AGBL4: variants seen among roughly 807,000 people sequenced by gnomAD.
The protein encoded by AGBL4 is AGBL carboxypeptidase 4.
A neutral mutation model predicts 66.4 loss-of-function variants in AGBL4; 58 were observed. That is an observed-to-expected ratio of 0.87 (90% CI 0.71 to 1.09). The LOEUF (loss-of-function observed/expected upper bound fraction) is 1.09. Among genes scored for constraint, AGBL4 ranks in the 50% least tolerant of loss-of-function variants. The pLI, the probability that AGBL4 is intolerant of heterozygous loss-of-function variation, is 0.00. For synonymous variants in AGBL4, 234 were observed against 222.9 expected, an observed-to-expected ratio of 1.05 and a Z score of -0.44; for missense variants, 579 against 631.0, an observed-to-expected ratio of 0.92 and a Z score of 0.88.
chr1:49,587,284 A>G (rs1325459204), intron 3 of AGBL4, among the ~76,000 whole-genome samples: 1 of 151,926 alleles, frequency 6.6e-6, no homozygotes, highest in Non-Finnish European at 1.5e-5. Context: ...AAAGAAAAGA[A>G]AAGAAAAGAA....
intron 5 of AGBL4, among the ~76,000 whole-genome samples, chr1:48,915,490 T>C (rs1332260534): frequency 6.6e-6 from 1 of 152,256 alleles, no homozygotes; most frequent in African/African-American, 2.4e-5. Context: ...CAGCCTGTGC[T>C]AGCTTTGAGC....
chr1:48,919,450 C>G (rs545197426), intron 5 of AGBL4, among the ~76,000 whole-genome samples: 5 of 152,238 alleles, frequency 3.3e-5, no homozygotes, highest in African/African-American at 1.2e-4. Flanking sequence ...TGAATTTATT[C>G]CCCATCCAAG....
At chr1:49,413,330 A>T (rs2148630097) in intron 3 of AGBL4, among the ~76,000 whole-genome samples, 1 of 152,328 alleles carries the variant, frequency 6.6e-6, no homozygotes, top group South Asian at 2.1e-4. Context: ...AGCAGGTGTG[A>T]CCTTGACCTC....
chr1:49,506,996 C>T (rs997118089), intron 3 of AGBL4, among the ~76,000 whole-genome samples: 3 of 151,936 alleles, frequency 2.0e-5, no homozygotes, highest in African/African-American at 7.2e-5. Flanking sequence ...TCTGAAATGG[C>T]CTTTTAATTA....
chr1:49,195,775 C>T (rs1055148003), intron 4 of AGBL4, among the ~76,000 whole-genome samples: 2 of 152,014 alleles, frequency 1.3e-5, no homozygotes, highest in African/African-American at 4.8e-5. Context: ...TTTGGGAGTA[C>T]TGAAGATTTG....
intron 3 of AGBL4, among the ~76,000 whole-genome samples, chr1:49,558,786 C>T (rs78174245): frequency 0.028 from 4,204 of 152,234 alleles, 172 homozygotes; most frequent in African/African-American, 0.096. Flanking sequence ...CTTAAAGGAA[C>T]ATCAACAGTA....
chr1:49,887,033 A>G (rs1186427157), intron 1 of AGBL4, among the ~76,000 whole-genome samples: 3 of 151,900 alleles, frequency 2.0e-5, no homozygotes, highest in Non-Finnish European at 4.4e-5. Flanking sequence ...GCGTTGTGAT[A>G]AGTGCTGGAG....
At chr1:49,302,761 G>A (rs1644777683) in intron 3 of AGBL4, among the ~76,000 whole-genome samples, 1 of 151,322 alleles carries the variant, frequency 6.6e-6, no homozygotes, top group South Asian at 2.1e-4. Flanking sequence ...GTAACAACCT[G>A]TCACCTAGGT....
chr1:48,834,793 G>T (rs1646637910), intron 6 of AGBL4, among the ~76,000 whole-genome samples: 1 of 152,190 alleles, frequency 6.6e-6, no homozygotes, highest in African/African-American at 2.4e-5. Context: ...AGAGGAGTTT[G>T]AGTTGAGAAT....
At chr1:49,932,123 G>T (rs1344758297) in intron 1 of AGBL4, among the ~76,000 whole-genome samples, 1 of 152,022 alleles carries the variant, frequency 6.6e-6, no homozygotes, top group East Asian at 1.9e-4. Context: ...TCAAATAAGG[G>T]ATATTGAAAC....
At chr1:48,587,483 C>A (rs770680335) in intron 10 of AGBL4, among the ~76,000 whole-genome samples, 5 of 151,622 alleles carry the variant, frequency 3.3e-5, no homozygotes, top group Admixed American at 6.6e-5. Flanking sequence ...ACATTTGGAG[C>A]CTGGCATGGT....
In AGBL4 at chr1:49,325,741, C is replaced by A. The variant is rs77219377; in HGVS notation, c.283-79877G>T. Among the ~76,000 whole-genome samples, 1,043 of 152,312 alleles carry A rather than the reference C, an allele frequency of 6.8e-3. 9 individuals carry two copies. The highest frequency in any genetic ancestry group is 0.024 in the African/African-American group (1,003 of 41,576). ...ATTGTAATCCCCAATGTTGCAGATG[C>A]CTGGTGGGAAGAGATTGGATCATGG... is the stretch of plus-strand genomic sequence containing the variant. On this transcript the variant is annotated intron_variant, in intron 3 of 13. Transcript: ENST00000371839.
chr1:48,604,522 T>C (rs1645126669), intron 9 of AGBL4, among the ~76,000 whole-genome samples: 1 of 152,160 alleles, frequency 6.6e-6, no homozygotes, highest in Non-Finnish European at 1.5e-5. Context: ...TAATATAAAT[T>C]AAGCATAAGT....
rs142034757 is a variant in AGBL4 at position 48,670,999 on chromosome 1, T to C, written c.635-7758A>G. Among the ~76,000 whole-genome samples the C allele has an allele frequency of 5.1e-3, 783 of 152,292 alleles. 10 individuals are homozygous for C. Among genetic ancestry groups the C allele is most frequent in the African/African-American group, 0.017 (718 of 41,544 alleles). On this transcript the variant is annotated intron_variant, in intron 6 of 13. Coordinates refer to ENST00000371839, the MANE Select transcript of AGBL4 (RefSeq NM_032785.4). Reference sequence around the variant, plus strand: ...GGCCAGGAGGGCCCTGCCTGGTTGTTTGAGGAGGCAAGGGGGCTGGCCCTG... The same window carrying C: ...GGCCAGGAGGGCCCTGCCTGGTTGTCTGAGGAGGCAAGGGGGCTGGCCCTG...
At chr1:49,756,510 A>G (rs1187088152) in intron 2 of AGBL4, among the ~76,000 whole-genome samples, 2 of 152,210 alleles carry the variant, frequency 1.3e-5, no homozygotes, top group Admixed American at 6.5e-5. Flanking sequence ...AAATAAAATG[A>G]CTGATACTTA....
intron 8 of AGBL4, among the ~76,000 whole-genome samples, chr1:48,645,461 T>C (rs1338790443): frequency 6.6e-6 from 1 of 152,024 alleles, no homozygotes; most frequent in Non-Finnish European, 1.5e-5. Flanking sequence ...GAAATGCAAG[T>C]GGAAAAAATT....
intron 3 of AGBL4, among the ~76,000 whole-genome samples, chr1:49,523,483 G>A (rs1190154803): frequency 6.6e-6 from 1 of 151,960 alleles, no homozygotes; most frequent in African/African-American, 2.4e-5. Context: ...TTAAATATTG[G>A]TGCAATTATA....
At chr1:49,289,979 T>A (rs769997895) in intron 3 of AGBL4, among the ~76,000 whole-genome samples, 9 of 152,172 alleles carry the variant, frequency 5.9e-5, no homozygotes, top group Non-Finnish European at 1.0e-4. Flanking sequence ...GGGTGAAATA[T>A]ATGAAGTATC....
intron 3 of AGBL4, among the ~76,000 whole-genome samples, chr1:49,523,949 A>G (rs1483533233): frequency 6.6e-6 from 1 of 151,336 alleles, no homozygotes; most frequent in Non-Finnish European, 1.5e-5. Context: ...AATGATGAGC[A>G]TTATCACCAT....
Sources: gnomAD v4.1 joint callset for allele counts (sites outside exome capture counted in the v4.1 genomes callset) on GRCh38, gnomAD v4.1.1 for gene constraint, MANE v1.5 for transcripts, NCBI Gene and HGNC (gene_info 2026-07-23, HGNC 2026-07-21) for gene names.